Variants in WWOX observed in about 807,000 individuals in gnomAD.
The protein encoded by WWOX is WW domain containing oxidoreductase.
A neutral mutation model predicts 46.2 loss-of-function variants in WWOX; 69 were observed. The ratio of observed to expected loss-of-function variants is 1.49; its 90% confidence interval spans 1.23 to 1.82. The LOEUF is 1.82. Ranked by LOEUF, WWOX falls within the 40% of genes most tolerant of loss-of-function variation. WWOX has a pLI of 0.00. For synonymous variants in WWOX, 359 were observed against 202.6 expected (o/e 1.77, Z -6.56); for missense variants, 919 against 542.6 (o/e 1.69, Z -6.89).
intron 8 of WWOX, among the ~76,000 whole-genome samples, chr16:79,174,577 G>T (rs769675631): frequency 1.3e-5 from 2 of 152,238 alleles, no homozygotes; most frequent in African/African-American, 4.8e-5. Flanking sequence ...GAACCTGGGA[G>T]ACAGAGGTTT....
intron 8 of WWOX, among the ~76,000 whole-genome samples, chr16:78,449,469 G>A (rs2083639860): frequency 6.6e-6 from 1 of 152,202 alleles, no homozygotes; most frequent in Non-Finnish European, 1.5e-5. Flanking sequence ...TTAGATTTCA[G>A]TGCCTTTTGG....
chr16:78,765,554 C>T (rs984815301), intron 8 of WWOX, among the ~76,000 whole-genome samples: 4 of 152,106 alleles, frequency 2.6e-5, no homozygotes, highest in African/African-American at 9.7e-5. Context: ...TAGCGGGCGC[C>T]TGTAATCCTG....
At chr16:78,751,450 T>G (rs1398745391) in intron 8 of WWOX, among the ~76,000 whole-genome samples, 1 of 113,360 alleles carries the variant, frequency 8.8e-6, no homozygotes, top group Non-Finnish European at 1.7e-5. Context: ...TATATATATA[T>G]TTATCAGATT....
chr16:78,691,024 G>C (rs1441959506), intron 8 of WWOX, among the ~76,000 whole-genome samples: 3 of 152,238 alleles, frequency 2.0e-5, no homozygotes, highest in East Asian at 1.9e-4. Flanking sequence ...CCACTAAGCA[G>C]ACATACTCGA....
chr16:78,413,859 C>T (rs1276313763), intron 6 of WWOX, among the ~76,000 whole-genome samples: 1 of 151,916 alleles, frequency 6.6e-6, no homozygotes, highest in African/African-American at 2.4e-5. Flanking sequence ...CAATGGCTTA[C>T]CCCTGTAATC....
chr16:78,469,578 G>C (rs796294281), intron 8 of WWOX, among the ~76,000 whole-genome samples: 44 of 152,208 alleles, frequency 2.9e-4, no homozygotes, highest in African/African-American at 1.0e-3. Context: ...TGGATAAAAG[G>C]GGTCTAGTTA....
intron 8 of WWOX, among the ~76,000 whole-genome samples, chr16:78,654,386 A>G (rs993663615): frequency 1.3e-5 from 2 of 152,352 alleles, no homozygotes; most frequent in South Asian, 2.1e-4. Context: ...TATTTATGGT[A>G]TTTATCAACT....
chr16:78,130,239 G>A lies in WWOX; in HGVS notation c.409+15085G>A, dbSNP rs111699830. On this transcript the variant is annotated intron_variant, in intron 4 of 8. Transcript: ENST00000566780. The stretch of plus-strand genomic sequence containing the variant: ...AACAGACTAATACAGGGGCCTCTGG[G>A]AGGTGATTAGATCATGAGGGTGGAG... 3 of 152,348 alleles carry A rather than the reference G, an allele frequency of 2.0e-5. 1 individual carries two copies. The highest frequency in any genetic ancestry group is 6.5e-5 in the Admixed American group (1 of 15,302). The allele number at this position is 152,348 out of a possible 1,614,324, so 9.4% of individuals were successfully genotyped here.
At chr16:78,944,701 G>A (rs2045916590) in intron 8 of WWOX, among the ~76,000 whole-genome samples, 1 of 152,070 alleles carries the variant, frequency 6.6e-6, no homozygotes, top group Admixed American at 6.6e-5. Flanking sequence ...ACAATATCCT[G>A]CAAAAGCCAA....
intron 8 of WWOX, among the ~76,000 whole-genome samples, chr16:79,030,241 T>G (rs933559425): frequency 6.6e-6 from 1 of 152,240 alleles, no homozygotes; most frequent in Admixed American, 6.5e-5. Context: ...GGAAAACTTT[T>G]ATGATTCTAC....
intron 8 of WWOX, among the ~76,000 whole-genome samples, chr16:78,916,389 A>T (rs993021703): frequency 1.3e-5 from 2 of 152,188 alleles, no homozygotes; most frequent in African/African-American, 4.8e-5. Flanking sequence ...ATCCCCCAAA[A>T]GTCAAACATG....
chr16:78,894,518 T>C (rs1313821666), intron 8 of WWOX, among the ~76,000 whole-genome samples: 1 of 152,242 alleles, frequency 6.6e-6, no homozygotes, highest in Non-Finnish European at 1.5e-5. Context: ...CTTTCTGCTC[T>C]ACCTAGTTCA....
intron 8 of WWOX, among the ~76,000 whole-genome samples, chr16:78,741,666 C>A (rs184268579): frequency 5.3e-5 from 8 of 152,176 alleles, no homozygotes; most frequent in African/African-American, 1.9e-4. Flanking sequence ...ACCAGGCTGG[C>A]CAACATGGCA....
intron 6 of WWOX, 38 bp from the exon 7 acceptor site, chr16:78,424,832 G>A (rs1313180266): frequency 1.9e-6 from 3 of 1,612,560 alleles, no homozygotes; most frequent in Admixed American, 3.3e-5. Context: ...TGGTTGTAGT[G>A]TTTATGTCCA....
intron 8 of WWOX, among the ~76,000 whole-genome samples, chr16:78,924,669 T>C (rs2045458158): frequency 6.6e-6 from 1 of 152,238 alleles, no homozygotes; most frequent in Non-Finnish European, 1.5e-5. Flanking sequence ...ATTCAACATT[T>C]ATTAGTTGGC....
chr16:78,415,299 T>C (rs1011819316), intron 6 of WWOX, among the ~76,000 whole-genome samples: 2 of 152,048 alleles, frequency 1.3e-5, no homozygotes, highest in Non-Finnish European at 2.9e-5. Flanking sequence ...TGCTAATGGA[T>C]TCATATTAGG....
chr16:79,178,832 A>G (rs953705691), intron 8 of WWOX, among the ~76,000 whole-genome samples: 1 of 152,222 alleles, frequency 6.6e-6, no homozygotes. Context: ...GAATAATAGA[A>G]ACAATTTTTT....
chr16:78,997,627 G>A (rs2047015962), intron 8 of WWOX, among the ~76,000 whole-genome samples: 1 of 152,090 alleles, frequency 6.6e-6, no homozygotes, highest in African/African-American at 2.4e-5. Flanking sequence ...AATGTATGGT[G>A]AATTTGCACT....
chr16:79,210,987 G>C (rs926276850), intron 8 of WWOX, among the ~76,000 whole-genome samples: 2 of 151,608 alleles, frequency 1.3e-5, no homozygotes, highest in Admixed American at 6.6e-5. Flanking sequence ...GGATCTGGAT[G>C]AATTAATGTG....
Sources: allele counts gnomAD v4.1 joint callset (sites outside exome capture counted in the v4.1 genomes callset), GRCh38; gene constraint gnomAD v4.1.1; transcripts MANE v1.5; gene names NCBI Gene and HGNC (gene_info 2026-07-23, HGNC 2026-07-21).